DNAH7: variants seen among roughly 807,000 people sequenced by gnomAD.
DNAH7 encodes the protein dynein axonemal heavy chain 7.
DNAH7 carries 397 observed loss-of-function variants against 444.6 expected under a neutral mutation model. The ratio of observed to expected loss-of-function variants is 0.89; its 90% confidence interval spans 0.82 to 0.97. The LOEUF is 0.97. Ranked by LOEUF, DNAH7 falls within the 50% of genes least tolerant of loss-of-function variation. The pLI is 0.00. For synonymous variants in DNAH7, 1,636 were observed against 1,624.4 expected (o/e 1.01, Z -0.17); for missense variants, 4,902 against 4,800.8 (o/e 1.02, Z -0.62).
intron 20 of DNAH7, 85 bp downstream of exon 20, chr2:195,936,514 T>A: frequency 1.2e-6 from 1 of 820,794 alleles, no homozygotes; most frequent in East Asian, 3.0e-5. Context: ...TAAACATGAT[T>A]ATATATATTT....
At chr2:195,844,863 T>A in intron 47 of DNAH7, 139 bp downstream of exon 47, 1 of 655,608 alleles carries the variant, frequency 1.5e-6, no homozygotes, top group Non-Finnish European at 2.5e-6. Flanking sequence ...AAGGAAGTGA[T>A]TACTCATACT....
chr2:195,844,946 A>G, intron 47 of DNAH7, 56 bp downstream of exon 47: 2 of 1,505,392 alleles, frequency 1.3e-6, no homozygotes. Context: ...AAAGGAACAC[A>G]GATAAATCTA....
At position 195,957,450 on chromosome 2, in the gene DNAH7, G is replaced by C; in HGVS notation, c.2892-3C>G. Reference sequence around the variant, plus strand: ...GTAGGAGCTTGCCCTCCCATTCTCTGAGGAGCAAAACACAGTGGCTCTTAC... The same window carrying C: ...GTAGGAGCTTGCCCTCCCATTCTCTCAGGAGCAAAACACAGTGGCTCTTAC... On this transcript the variant is annotated splice_region_variant and splice_polypyrimidine_tract_variant and intron_variant, in intron 18 of 64. Transcript: ENST00000312428. The C allele has an allele frequency of 1.3e-6, 2 of 1,528,896 alleles. No homozygotes were observed. The highest frequency in any genetic ancestry group is 1.8e-6 in the Non-Finnish European group (2 of 1,126,310). The allele number at this position is 1,528,896 out of a possible 1,614,324, so 94.7% of individuals were successfully genotyped here. A position where few individuals can be genotyped will look rare whatever the true frequency, so the allele number is the denominator to read the frequency against.
At chr2:195,906,863 T>C (rs761356153) in intron 26 of DNAH7, 44 bp downstream of exon 26, 1 of 1,609,146 alleles carries the variant, frequency 6.2e-7, no homozygotes, top group Non-Finnish European at 8.5e-7. Context: ...ACCTCTCATA[T>C]TTCTTTTATT....
intron 36 of DNAH7, among the ~76,000 whole-genome samples, chr2:195,880,097 C>A (rs114157724): frequency 1.3e-5 from 2 of 151,746 alleles, no homozygotes; most frequent in Admixed American, 1.3e-4. Flanking sequence ...TAAATTGTAA[C>A]CCTATATTTG....
Position 195,987,978 on chromosome 2 carries a change from T to A in DNAH7, c.1605A>T (p.Glu535Asp). ...EICKYQKLIE[E>D]IQYTSIKTIR... ...TTACCTTTATGGATGTGTACTGTAT[T>A]TCCTCTATTAGTTTCTGGTATTTGC... is the stretch of plus-strand genomic sequence containing the variant. The change falls in exon 13 of 65, where the codon GAA (glutamate) becomes GAT (aspartate). Residue 535 changes from glutamate (E) to aspartate (D), a missense_variant. By Grantham distance (45) the Glu-to-Asp change is conservative (BLOSUM62 2). Transcript: ENST00000312428. 6.2e-7 allele frequency: 1 copy of A among 1,611,656 alleles called. No individual in the cohort carries two copies. The highest frequency in any genetic ancestry group is 1.1e-5 in the South Asian group (1 of 90,782).
At position 195,754,420 on chromosome 2, in the gene DNAH7, C is replaced by G; in HGVS notation, c.11681G>C (p.Arg3894Thr). ...FLTGAQQNYA[R>T]KYTIPIDLLG... ...AAGATCAATAGGAATTGTGTATTTC[C>G]TGGCGTAGTTCTGCTGGGCACCGGT... Residue 3894 changes from arginine (R) to threonine (T), a missense_variant, in exon 63 of 65, where the codon AGG becomes ACG. By Grantham distance (71) the Arg-to-Thr change is moderately conservative. Coordinates refer to ENST00000312428, the MANE Select transcript of DNAH7 (RefSeq NM_018897.3). 6.2e-7 allele frequency: 1 copy of G among 1,614,048 alleles called. No homozygotes were observed. The highest frequency in any genetic ancestry group is 8.5e-7 in the Non-Finnish European group (1 of 1,179,982).
chr2:195,998,564 CAAAA>C (rs539748720), intron 12 of DNAH7, among the ~76,000 whole-genome samples: 6 of 96,948 alleles, frequency 6.2e-5, no homozygotes, highest in Admixed American at 1.1e-4. Flanking sequence ...GACTCCAACT[CAAAA>C]AAAAAAAAAA....
At chr2:195,757,197 GACTA>G (rs1341714518) in intron 61 of DNAH7, among the ~76,000 whole-genome samples, 1 of 152,082 alleles carries the variant, frequency 6.6e-6, no homozygotes, top group African/African-American at 2.4e-5. Flanking sequence ...TTAAATCACA[GACTA>G]ACTTTGACTT....
intron 1 of DNAH7, among the ~76,000 whole-genome samples, chr2:196,065,694 G>C (rs1036001842): frequency 6.6e-6 from 1 of 152,162 alleles, no homozygotes; most frequent in Non-Finnish European, 1.5e-5. Flanking sequence ...AATTCTTCCA[G>C]ACCTCAGCTC....
At chr2:195,891,253 T>C (rs1207232215) in intron 31 of DNAH7, among the ~76,000 whole-genome samples, 1 of 152,228 alleles carries the variant, frequency 6.6e-6, no homozygotes, top group Non-Finnish European at 1.5e-5. Flanking sequence ...CTCTAAGCAT[T>C]GGCGTATATC....
rs758865891 is a variant in DNAH7, at chr2:195,969,948, C to T, written c.2205G>A (p.Lys735=). 6 of 1,602,096 alleles carry T rather than the reference C, an allele frequency of 3.7e-6. No individual in the cohort carries two copies. In the East Asian group the frequency reaches 1.1e-4, roughly 30 times the overall value. Residue 735 remains lysine, a splice_region_variant and synonymous_variant, in exon 17 of 65, where the codon AAG becomes AAA. Transcript: ENST00000312428. ...LNGKLDLAAD[K]IEQFNAEEEA... ...CTTTTTAAGAATTTTTGAATTATAC[C>T]TTATCTGCAGCTAAATCCAACTTTC... is the stretch of plus-strand genomic sequence containing the variant.
At chr2:195,748,079 G>GA (rs1693538853) in intron 63 of DNAH7, among the ~76,000 whole-genome samples, 1 of 152,172 alleles carries the variant, frequency 6.6e-6, no homozygotes, top group Admixed American at 6.5e-5. Flanking sequence ...TGTATATCTA[G>GA]AAAACCCCAT....
At chr2:195,858,011 AT>A (rs1321532511) in intron 43 of DNAH7, among the ~76,000 whole-genome samples, 2 of 152,198 alleles carry the variant, frequency 1.3e-5, no homozygotes, top group Non-Finnish European at 2.9e-5. Context: ...AGACATTGCT[AT>A]TGTAAAATAA....
Position 196,019,307 on chromosome 2 carries a change from GA to G in DNAH7, c.744-13del. On this transcript the variant is annotated splice_polypyrimidine_tract_variant and intron_variant, in intron 8 of 64. Coordinates refer to ENST00000312428, the MANE Select transcript of DNAH7 (RefSeq NM_018897.3). ...GCAGAATTTCCATTCTGAAAACAAA[GA>G]AAATATTTAGTTACAGTCTCAAAAA... 1 of 1,452,784 alleles carries G rather than the reference GA, an allele frequency of 6.9e-7. No individual in the cohort carries two copies. Among genetic ancestry groups the G allele is most frequent in the South Asian group, 1.6e-5 (1 of 61,372 alleles). 90.0% of individuals were successfully genotyped at this position (1,452,784 alleles called of 1,614,324 possible).
chr2:196,014,746 C>A (rs1392341681), intron 9 of DNAH7, among the ~76,000 whole-genome samples: 1 of 152,172 alleles, frequency 6.6e-6, no homozygotes, highest in Non-Finnish European at 1.5e-5. Context: ...TCTTGGTTGT[C>A]CCATGAAATT....
chr2:196,017,208 T>G (rs1695083643), intron 9 of DNAH7, among the ~76,000 whole-genome samples: 1 of 151,994 alleles, frequency 6.6e-6, no homozygotes, highest in African/African-American at 2.4e-5. Context: ...AAAGACGAGG[T>G]TTCACCATCT....
At chr2:196,026,361 G>A (rs1695687949) in intron 7 of DNAH7, among the ~76,000 whole-genome samples, 1 of 152,044 alleles carries the variant, frequency 6.6e-6, no homozygotes, top group African/African-American at 2.4e-5. Context: ...ACACTTTTAG[G>A]TAATTATTTA....
At chr2:195,887,253 A>G (rs1701760215) in intron 33 of DNAH7, among the ~76,000 whole-genome samples, 2 of 152,176 alleles carry the variant, frequency 1.3e-5, no homozygotes, top group South Asian at 2.1e-4. Flanking sequence ...AAATTCTCTG[A>G]CAATGCTGGA....
Sources: gnomAD v4.1 joint callset for allele counts (sites outside exome capture counted in the v4.1 genomes callset) on GRCh38, gnomAD v4.1.1 for gene constraint, MANE v1.5 for transcripts, NCBI Gene and HGNC (gene_info 2026-07-23, HGNC 2026-07-21) for gene names.